WDR64: variants seen among roughly 807,000 people sequenced by gnomAD.
WDR64 encodes WD repeat-containing protein 64.
A neutral mutation model predicts 139.3 loss-of-function variants in WDR64; 112 were observed. That is an observed-to-expected ratio of 0.80 (90% CI 0.69 to 0.94). The LOEUF (loss-of-function observed/expected upper bound fraction) is 0.94, where lower values mean the gene tolerates loss of function less well. Among genes scored for constraint, WDR64 ranks in the 40% least tolerant of loss-of-function variants. The pLI is 0.00. For missense variants in WDR64, 1,206 were observed against 1,293.1 expected (o/e 0.93, Z 1.03); for synonymous variants, 444 against 437.7 (o/e 1.01, Z -0.18).
At chr1:241,679,648 G>A in intron 6 of WDR64, 53 bp downstream of exon 6, 1 of 1,443,072 alleles carries the variant, frequency 6.9e-7, no homozygotes, top group Non-Finnish European at 9.5e-7. Context: ...TTCAGTAGTG[G>A]TACGATATGA....
chr1:241,660,753 G>A, intron 2 of WDR64, 93 bp downstream of exon 2: 1 of 1,384,178 alleles, frequency 7.2e-7, no homozygotes, highest in Non-Finnish European at 9.9e-7. Flanking sequence ...TGCCACAGGG[G>A]TTGAACCACA....
intron 12 of WDR64, 71 bp from the exon 13 acceptor site, chr1:241,744,322 T>C (rs1219228108): frequency 1.3e-5 from 21 of 1,574,488 alleles, no homozygotes; most frequent in Non-Finnish European, 1.7e-5. Flanking sequence ...GTTTTGAATA[T>C]GGTGTAATTC....
At chr1:241,754,243 G>A (rs566613450) in intron 14 of WDR64, among the ~76,000 whole-genome samples, 132 of 151,170 alleles carry the variant, frequency 8.7e-4, no homozygotes, top group Non-Finnish European at 1.7e-3. Context: ...TTCATATTTA[G>A]TATCTTTTTT....
intron 24 of WDR64, among the ~76,000 whole-genome samples, chr1:241,789,404 T>A (rs752303474): frequency 1.3e-5 from 2 of 152,164 alleles, no homozygotes; most frequent in Non-Finnish European, 2.9e-5. Context: ...TATAAATCAT[T>A]CTACTAAAAA....
At chr1:241,669,722 A>G (rs1315216146) in intron 2 of WDR64, among the ~76,000 whole-genome samples, 1 of 152,218 alleles carries the variant, frequency 6.6e-6, no homozygotes, top group African/African-American at 2.4e-5. Flanking sequence ...TGATGACAGG[A>G]CATATATTAA....
chr1:241,795,053 T>C (rs1428454551), intron 25 of WDR64, among the ~76,000 whole-genome samples, 154 bp from the exon 26 acceptor site: 2 of 152,280 alleles, frequency 1.3e-5, no homozygotes, highest in Non-Finnish European at 2.9e-5. Flanking sequence ...CACCTTGCTA[T>C]ACATATTATT....
At chr1:241,790,481 C>A in intron 24 of WDR64, 110 bp from the exon 25 acceptor site, 1 of 860,418 alleles carries the variant, frequency 1.2e-6, no homozygotes. Context: ...GGACTGATGC[C>A]ATAGGAACCA....
intron 13 of WDR64, 126 bp downstream of exon 13, chr1:241,744,642 GAA>G: frequency 7.1e-6 from 9 of 1,264,896 alleles, no homozygotes; most frequent in Admixed American, 2.5e-5. Flanking sequence ...GGGTGCCAGT[GAA>G]ATTCCTGTGC....
chr1:241,747,290 G>A, intron 13 of WDR64, among the ~76,000 whole-genome samples: 1 of 152,150 alleles, frequency 6.6e-6, no homozygotes. Context: ...ACACACGAGT[G>A]CACGTAAAAA....
intron 8 of WDR64, among the ~76,000 whole-genome samples, chr1:241,705,193 T>C (rs1667884876): frequency 2.6e-5 from 4 of 152,186 alleles, no homozygotes; most frequent in Admixed American, 2.6e-4. Flanking sequence ...GTGACACATG[T>C]ACGCGATGAC....
At chr1:241,674,418 A>T (rs1666382359) in intron 3 of WDR64, among the ~76,000 whole-genome samples, 1 of 151,656 alleles carries the variant, frequency 6.6e-6, no homozygotes, top group Non-Finnish European at 1.5e-5. Flanking sequence ...CATCACATTC[A>T]GCTAATTTTG....
intron 24 of WDR64, among the ~76,000 whole-genome samples, chr1:241,789,436 A>G (rs61827121): frequency 0.17 from 26,251 of 152,196 alleles, 2,634 homozygotes; most frequent in African/African-American, 0.26. Context: ...GTGTATGTTC[A>G]TTGCAGCACT....
At chr1:241,733,540 A>G (rs906938038) in intron 10 of WDR64, among the ~76,000 whole-genome samples, 2 of 151,894 alleles carry the variant, frequency 1.3e-5, no homozygotes, top group Non-Finnish European at 2.9e-5. Context: ...CTACTAGAAG[A>G]TAAATTTTTA....
intron 24 of WDR64, among the ~76,000 whole-genome samples, chr1:241,789,503 T>G (rs999217611): frequency 2.6e-5 from 4 of 152,086 alleles, no homozygotes; most frequent in Non-Finnish European, 1.5e-5. Context: ...GTAGACTGGA[T>G]AAAGAAAGTG....
chr1:241,783,516 C>G (rs1658923852), intron 23 of WDR64, 135 bp downstream of exon 23: 1 of 646,142 alleles, frequency 1.5e-6, no homozygotes, highest in African/African-American at 1.9e-5. Context: ...AAATAGATGA[C>G]ACAAAAGGAC....
chr1:241,718,648 G>A (rs1668490434), intron 9 of WDR64, among the ~76,000 whole-genome samples: 1 of 152,086 alleles, frequency 6.6e-6, no homozygotes, highest in African/African-American at 2.4e-5. Flanking sequence ...CCAATATCTT[G>A]TTTGATGTTT....
chr1:241,801,719 T>G lies in WDR64; in HGVS notation c.*504T>G. ...TTATCTGGAAGAAAATGTCCTAAGT[T>G]TCTCAAAGTCAGAAATTATTTCTAT... On this transcript the variant is annotated 3_prime_UTR_variant, in exon 28 of 28. Transcript: ENST00000437684. The G allele has an allele frequency of 2.5e-6, 1 of 398,556 alleles. No homozygotes were observed. Among genetic ancestry groups the G allele is most frequent in the Non-Finnish European group, 4.4e-6 (1 of 226,088 alleles). The allele number at this position is 398,556 out of a possible 1,614,324, so 24.7% of individuals were successfully genotyped here.
At position 241,703,823 on chromosome 1, in the gene WDR64, G is replaced by C. The variant is rs144810832; in HGVS notation, c.975-7979G>C. Among the ~76,000 whole-genome samples, 8 of 152,260 alleles carry C rather than the reference G, an allele frequency of 5.3e-5. No homozygotes were observed. Among genetic ancestry groups the C allele is most frequent in the African/African-American group, 1.9e-4 (8 of 41,548 alleles). On this transcript the variant is annotated intron_variant, in intron 8 of 27. Transcript: ENST00000437684. This position sits in a 1 kb window ranked among gnomAD's most constrained non-coding sequence, Gnocchi z 5.9. ...CTTACAATCATGGCGGAAGGTGAAA[G>C]GGAAGCAAGGACCTTCTTCACATGA...
At chr1:241,789,885 A>T (rs940707992) in intron 24 of WDR64, among the ~76,000 whole-genome samples, 1 of 151,290 alleles carries the variant, frequency 6.6e-6, no homozygotes, top group Non-Finnish European at 1.5e-5. Context: ...AACTTAAATA[A>T]AAGTTAAAAA....
Sources: gnomAD v4.1 joint callset for allele counts (sites outside exome capture counted in the v4.1 genomes callset) on GRCh38, gnomAD v4.1.1 for gene constraint, Gnocchi (gnomAD v3.1) non-coding constraint, MANE v1.5 for transcripts, NCBI Gene and HGNC (gene_info 2026-07-23, HGNC 2026-07-21) for gene names.